VAV3: variants seen among roughly 807,000 people sequenced by gnomAD.
VAV3 encodes the protein vav guanine nucleotide exchange factor 3, also known as guanine nucleotide exchange factor VAV3.
A neutral mutation model predicts 131.2 loss-of-function variants in VAV3; 94 were observed. That is an observed-to-expected ratio of 0.72 (90% CI 0.61 to 0.85). The LOEUF is 0.85. Among genes scored for constraint, VAV3 ranks in the 40% least tolerant of loss-of-function variants. The pLI is 0.00. For missense variants in VAV3, 939 were observed against 1,002.7 expected, an observed-to-expected ratio of 0.94 and a Z score of 0.86; for synonymous variants, 349 against 342.0, an observed-to-expected ratio of 1.02 and a Z score of -0.22.
chr1:107,795,951 C>T (rs938394941), intron 2 of VAV3, among the ~76,000 whole-genome samples: 3 of 152,164 alleles, frequency 2.0e-5, no homozygotes, highest in Non-Finnish European at 4.4e-5. Flanking sequence ...ATTGCTAACG[C>T]CCATCCCATT....
chr1:107,762,561 A>C (rs1229323350), intron 9 of VAV3, among the ~76,000 whole-genome samples: 1 of 152,228 alleles, frequency 6.6e-6, no homozygotes, highest in Non-Finnish European at 1.5e-5. Flanking sequence ...TACTATAATT[A>C]GTAGGTCTTA....
At chr1:107,629,773 T>C (rs1038800784) in intron 20 of VAV3, among the ~76,000 whole-genome samples, 2 of 152,226 alleles carry the variant, frequency 1.3e-5, no homozygotes, top group East Asian at 3.9e-4. Context: ...TTCAATAGCA[T>C]CAGAAATTAC....
chr1:107,768,430 T>C lies in VAV3; in HGVS notation c.717+11A>G. ...GTACACCACAATTTTAGCTAGCATA[T>C]TTTTACTCACAGGAATGTTGATGAA... On this transcript the variant is annotated intron_variant, in intron 7 of 26. Transcript: ENST00000370056. The C allele has an allele frequency of 6.2e-7, 1 of 1,607,606 alleles. No homozygotes were observed. Among genetic ancestry groups the C allele is most frequent in the Non-Finnish European group, 8.5e-7 (1 of 1,176,144 alleles).
intron 2 of VAV3, among the ~76,000 whole-genome samples, chr1:107,827,367 C>T (rs1232619752): frequency 6.6e-6 from 1 of 152,166 alleles, no homozygotes; most frequent in Admixed American, 6.6e-5. Context: ...TTGTACTTCA[C>T]ATTTTCAAAC....
chr1:107,751,260 A>C, intron 12 of VAV3, 58 bp from the exon 13 acceptor site: 2 of 1,342,008 alleles, frequency 1.5e-6, no homozygotes, highest in Admixed American at 3.8e-5. Flanking sequence ...ATAAAAACAA[A>C]TATTAGTAGA....
intron 9 of VAV3, among the ~76,000 whole-genome samples, 177 bp downstream of exon 9, chr1:107,764,899 G>A (rs995728986): frequency 5.9e-5 from 9 of 152,012 alleles, no homozygotes; most frequent in Admixed American, 3.3e-4. Context: ...GATTTTTAAC[G>A]ACTGTTACTA....
At chr1:107,637,583 G>A (rs979825142) in intron 20 of VAV3, among the ~76,000 whole-genome samples, 4 of 152,084 alleles carry the variant, frequency 2.6e-5, no homozygotes, top group African/African-American at 4.8e-5. Context: ...TGATCCCGCC[G>A]CTGCACTCCA....
At chr1:107,938,402 G>C (rs1305369455) in intron 1 of VAV3, among the ~76,000 whole-genome samples, 5 of 152,176 alleles carry the variant, frequency 3.3e-5, no homozygotes, top group African/African-American at 1.2e-4. Context: ...AAACTATCAG[G>C]ACCACAGGGG....
intron 2 of VAV3, among the ~76,000 whole-genome samples, chr1:107,861,545 T>C (rs993811127): frequency 5.3e-5 from 8 of 151,586 alleles, no homozygotes; most frequent in Admixed American, 2.6e-4. Context: ...AACATGAATC[T>C]AGCCTTCTAT....
At chr1:107,861,162 T>C (rs1361552032) in intron 2 of VAV3, among the ~76,000 whole-genome samples, 1 of 151,518 alleles carries the variant, frequency 6.6e-6, no homozygotes, top group East Asian at 1.9e-4. Context: ...CAAAACAGTA[T>C]AGAAAAAAAG....
chr1:107,777,201 G>T, intron 4 of VAV3, 30 bp downstream of exon 4: 2 of 1,599,386 alleles, frequency 1.3e-6, no homozygotes, highest in South Asian at 2.2e-5. Context: ...ATTGGCAGTG[G>T]CTAAATTTTG....
At chr1:107,670,484 T>C (rs1657708679) in intron 19 of VAV3, among the ~76,000 whole-genome samples, 1 of 152,200 alleles carries the variant, frequency 6.6e-6, no homozygotes. Flanking sequence ...AACATATTTT[T>C]TTTTTTGCCT....
At chr1:107,767,639 G>A (rs901792220) in intron 7 of VAV3, among the ~76,000 whole-genome samples, 1 of 152,100 alleles carries the variant, frequency 6.6e-6, no homozygotes, top group African/African-American at 2.4e-5. Context: ...AAAACACAAA[G>A]AACTGTTCAG....
Position 107,964,826 on chromosome 1 carries a change from T to C in VAV3, c.44A>G (p.Lys15Arg), listed in dbSNP as rs149133045. The C allele has an allele frequency of 5.6e-6, 9 of 1,613,470 alleles. No individual in the cohort carries two copies. Among genetic ancestry groups the C allele is most frequent in the African/African-American group, 4.0e-5 (3 of 74,896 alleles). ...CACCCGGTGGTTGGTGGGCAGCACC[T>C]TGCAATGGATGAGCCACTGCGCGCA... ...KQCAQWLIHC[K>R]VLPTNHRVTW... The change falls in exon 1 of 27, where the codon AAG becomes AGG. Residue 15 changes from lysine (K) to arginine (R), a missense_variant. By Grantham distance (26) the Lys-to-Arg change is conservative (BLOSUM62 2). Coordinates refer to ENST00000370056, the MANE Select transcript of VAV3 (RefSeq NM_006113.5).
At position 107,964,941 on chromosome 1, in the gene VAV3, G is replaced by A; in HGVS notation, c.-72C>T. On this transcript the variant is annotated 5_prime_UTR_variant, in exon 1 of 27. Transcript: ENST00000370056. ...TGCGGCCGCCGCCGCCGCCGCCGCG[G>A]TTCCTCCGCGCCCCGCCGACGCCAA... The A allele has an allele frequency of 8.5e-7, 1 of 1,183,106 alleles. No homozygotes were observed. Among genetic ancestry groups the A allele is most frequent in the Non-Finnish European group, 1.1e-6 (1 of 943,012 alleles). 73.3% of individuals were successfully genotyped at this position (1,183,106 alleles called of 1,614,324 possible). A position where few individuals can be genotyped will look rare whatever the true frequency, so the allele number is the denominator to read the frequency against.
chr1:107,584,085 C>T (rs1375497854), intron 25 of VAV3, among the ~76,000 whole-genome samples: 2 of 151,878 alleles, frequency 1.3e-5, no homozygotes, highest in Non-Finnish European at 2.9e-5. Context: ...CAGAACAGAG[C>T]CCTCAGAAAT....
intron 13 of VAV3, 35 bp from the exon 14 acceptor site, chr1:107,749,629 G>T: frequency 6.3e-7 from 1 of 1,592,908 alleles, no homozygotes; most frequent in South Asian, 1.2e-5. Flanking sequence ...GATTTTAAAT[G>T]GTTTAGAAAC....
intron 15 of VAV3, among the ~76,000 whole-genome samples, chr1:107,743,933 T>C (rs897379454): frequency 2.0e-5 from 3 of 152,198 alleles, no homozygotes; most frequent in Non-Finnish European, 2.9e-5. Flanking sequence ...TTATTGTGAG[T>C]GACTTCAAAT....
At chr1:107,620,244 G>A (rs903901446) in intron 20 of VAV3, among the ~76,000 whole-genome samples, 1 of 152,060 alleles carries the variant, frequency 6.6e-6, no homozygotes, top group Non-Finnish European at 1.5e-5. Flanking sequence ...CTGTCAATGA[G>A]GAGCATGGCC....
Sources: allele counts gnomAD v4.1 joint callset (sites outside exome capture counted in the v4.1 genomes callset), GRCh38; gene constraint gnomAD v4.1.1; transcripts MANE v1.5; gene names NCBI Gene and HGNC (gene_info 2026-07-23, HGNC 2026-07-21).